Variants in ITGA2B observed in about 807,000 individuals in gnomAD.
ITGA2B encodes integrin alpha-IIb.
Under a neutral mutation model 142.0 loss-of-function variants are expected in ITGA2B, and 91 were observed. The ratio of observed to expected loss-of-function variants is 0.64; its 90% CI spans 0.54 to 0.76. ITGA2B has a LOEUF of 0.76. Among genes scored for constraint, ITGA2B ranks in the 30% least tolerant of loss-of-function variants. The pLI is 0.00. For synonymous variants in ITGA2B, 536 were observed against 567.2 expected, an observed-to-expected ratio of 0.94 and a Z score of 0.78; for missense variants, 1,231 against 1,350.8, an observed-to-expected ratio of 0.91 and a Z score of 1.39.
Position 44,380,016 on chromosome 17 carries a change from T to C in ITGA2B, c.1738A>G (p.Met580Val), listed in dbSNP as rs773647580. 2.5e-6 allele frequency: 4 copies of C among 1,613,562 alleles called. No individual in the cohort carries two copies. The highest frequency in any genetic ancestry group is 3.4e-6 in the Non-Finnish European group (4 of 1,180,018). ...CCTGGGCGTACTCGAAGGAAGGCCA[T>C]GGTGGTGTGGCAGATGGGGCTGTGC... ...GKHSPICHTT[M>V]AFLRDEADFR... The change falls in exon 17 of 30, where the codon ATG becomes GTG. Residue 580 changes from methionine (M) to valine (V), a missense_variant. Met to Val is a conservative substitution (Grantham distance 21, BLOSUM62 1). This residue lies in a region of ITGA2B where 908 missense variants were observed against 1,021.1 expected (regional missense o/e 0.89). Transcript: ENST00000262407.
rs915544646 is a variant in ITGA2B at position 44,383,941 on chromosome 17, C to A, written c.951G>T (p.Ala317=). The change falls in exon 11 of 30, where the codon GCG becomes GCT. Residue 317 remains alanine, a synonymous_variant. Coordinates refer to ENST00000262407, the MANE Select transcript of ITGA2B (RefSeq NM_000419.5). The part of the protein sequence containing the change: ...RLHRLRGEQM[A]SYFGHSVAVT... ...CAGCCACTGAATGCCCAAAATACGA[C>A]GCCATCTGCAAGATGAGGAGCACCA... The A allele has an allele frequency of 1.9e-6, 3 of 1,613,918 alleles. No individual in the cohort carries two copies. In the African/African-American group the frequency reaches 4.0e-5, roughly 22 times the overall value.
At chr17:44,383,321 C>T (rs2048612305) in intron 12 of ITGA2B, among the ~76,000 whole-genome samples, 172 bp downstream of exon 12, 1 of 152,176 alleles carries the variant, frequency 6.6e-6, no homozygotes, top group Non-Finnish European at 1.5e-5. Flanking sequence ...CAAACACTTC[C>T]TAATTAGTCT....
At position 44,375,910 on chromosome 17, in the gene ITGA2B, C is replaced by G; in HGVS notation, c.2524G>C (p.Asp842His). The change falls in exon 25 of 30, where the codon GAC becomes CAC. Residue 842 changes from aspartate (D) to histidine (H), a missense_variant. Asp to His is a moderately conservative substitution (Grantham distance 81). Coordinates refer to ENST00000262407, the MANE Select transcript of ITGA2B (RefSeq NM_000419.5). ...TGTATATCCAGGATGTAGAGCAGGTCGGAGGGCTGGGACTGTCCCGGAAGG... is the reference window on the plus strand; with the variant it reads ...TGTATATCCAGGATGTAGAGCAGGTGGGAGGGCTGGGACTGTCCCGGAAGG... ...IHLPGQSQPS[D>H]LLYILDIQPQ... 6.2e-7 allele frequency: 1 copy of G among 1,612,948 alleles called. No individual in the cohort carries two copies. The highest frequency in any genetic ancestry group is 8.5e-7 in the Non-Finnish European group (1 of 1,179,682).
At chr17:44,381,960 A>G (rs758946903) in intron 12 of ITGA2B, among the ~76,000 whole-genome samples, 2 of 151,910 alleles carry the variant, frequency 1.3e-5, no homozygotes, top group African/African-American at 2.4e-5. Flanking sequence ...TCTCCATTCC[A>G]TCAAACTCCC....
rs1000132610 is a variant in ITGA2B, at chr17:44,384,412, C to T, written c.848-58G>A. 1.1e-5 allele frequency: 18 copies of T among 1,609,094 alleles called. No individual in the cohort carries two copies. The Admixed American group carries it at 1.8e-4, about 16-fold the overall frequency. ...AGAGCCTTAGAACCTACCCACTTCCCGCTCCCCGTTCTGCACCCAGGGAAA... is the reference window on the plus strand; with the variant it reads ...AGAGCCTTAGAACCTACCCACTTCCTGCTCCCCGTTCTGCACCCAGGGAAA... On this transcript the variant is annotated intron_variant, in intron 8 of 29. Transcript: ENST00000262407.
rs1218494362 is a variant in ITGA2B at position 44,375,861 on chromosome 17, A to C, written c.2573T>G (p.Phe858Cys). 6.3e-7 allele frequency: 1 copy of C among 1,595,090 alleles called. No individual in the cohort carries two copies. Residue 858 changes from phenylalanine to cysteine, a missense_variant, in exon 25 of 30, where the codon TTC (phenylalanine) becomes TGC (cysteine). Physicochemically the swap from Phe to Cys is radical, Grantham distance 205 (BLOSUM62 -2). This residue lies in a region of ITGA2B where 908 missense variants were observed against 1,021.1 expected (regional missense o/e 0.89). Coordinates refer to ENST00000262407, the MANE Select transcript of ITGA2B (RefSeq NM_000419.5). ...GAGAGGGTTGACAGGAGGCTGTGGGAAGCACTGAAGGCCCCCCTGGGGCTG... is the reference window on the plus strand; with the variant it reads ...GAGAGGGTTGACAGGAGGCTGTGGGCAGCACTGAAGGCCCCCCTGGGGCTG... The part of the protein sequence containing the change: ...DIQPQGGLQC[F>C]PQPPVNPLKV...
rs756871533 is a variant in ITGA2B at position 44,375,954 on chromosome 17, C to A, written c.2480G>T (p.Gly827Val). Reference protein sequence around the residue: ...LHNNGPGTVNGLHLSIHLPGQ... With the variant: ...LHNNGPGTVNVLHLSIHLPGQ... ...CGGAAGGTGGATGCTGAGGTGAAGA[C>A]CATTCACAGTCCCAGGGCCATTGTT... Residue 827 changes from glycine (G) to valine (V), a missense_variant, in exon 25 of 30, where the codon GGT becomes GTT. By Grantham distance (109) the Gly-to-Val change is moderately radical. Around this residue, in one of 3 missense-constraint regions of ITGA2B, gnomAD observed 908 missense variants for 1,021.1 expected, o/e 0.89. Coordinates refer to ENST00000262407, the MANE Select transcript of ITGA2B (RefSeq NM_000419.5). 2.5e-6 allele frequency: 4 copies of A among 1,614,084 alleles called. No homozygotes were observed. In the Admixed American group the frequency reaches 6.7e-5, roughly 27 times the overall value.
intron 1 of ITGA2B, 41 bp downstream of exon 1, chr17:44,389,245 T>C (rs1426737911): frequency 1.2e-6 from 2 of 1,604,892 alleles, no homozygotes; most frequent in Non-Finnish European, 8.5e-7. Flanking sequence ...TGGGGAGGGG[T>C]CCTGCTCTCT....
rs760249168 is a variant in ITGA2B, at chr17:44,380,648, A to T, written c.1394-3T>A. 6.2e-7 allele frequency: 1 copy of T among 1,614,180 alleles called. No individual in the cohort carries two copies. Among genetic ancestry groups the T allele is most frequent in the East Asian group, 2.2e-5 (1 of 44,870 alleles). On this transcript the variant is annotated splice_region_variant and splice_polypyrimidine_tract_variant and intron_variant, in intron 13 of 29. Transcript: ENST00000262407. ...CCCGTAAGCTCCCACGATCAGGTCT[A>T]TAGACATCGAGGAATGGGTCAGAAT... is the stretch of plus-strand genomic sequence containing the variant.
rs1029376890 is a variant in ITGA2B, at chr17:44,378,719, G to T, written c.1879-9C>A. The T allele has an allele frequency of 2.0e-5, 31 of 1,553,990 alleles. No individual in the cohort carries two copies. The highest frequency in any genetic ancestry group is 2.5e-5 in the Non-Finnish European group (29 of 1,148,126). On this transcript the variant is annotated splice_polypyrimidine_tract_variant and intron_variant, in intron 18 of 29. Coordinates refer to ENST00000262407, the MANE Select transcript of ITGA2B (RefSeq NM_000419.5). The stretch of plus-strand genomic sequence containing the variant: ...TCCAGGACGATTCGTGTCTAGAGGG[G>T]CACATTGGGGTGTGCGGGTAAGTTG...
chr17:44,375,722 G>T lies in ITGA2B; in HGVS notation c.2602-6C>A, dbSNP rs369957630. 2.5e-6 allele frequency: 4 copies of T among 1,573,346 alleles called. No homozygotes were observed. In the African/African-American group the frequency reaches 5.4e-5, roughly 21 times the overall value. Reference sequence around the variant, plus strand: ...ATGGGCAGCCCCCAGTCCACCTGGGGGGGCAAAGGAGTGGTCAGGCCCAGG... The same window carrying T: ...ATGGGCAGCCCCCAGTCCACCTGGGTGGGCAAAGGAGTGGTCAGGCCCAGG... On this transcript the variant is annotated splice_region_variant and splice_polypyrimidine_tract_variant and intron_variant, in intron 25 of 29. Coordinates refer to ENST00000262407, the MANE Select transcript of ITGA2B (RefSeq NM_000419.5).
intron 22 of ITGA2B, 141 bp downstream of exon 22, chr17:44,376,868 C>T: frequency 1.4e-6 from 1 of 708,326 alleles, no homozygotes; most frequent in Non-Finnish European, 2.5e-6. Flanking sequence ...CTGCCTTGGC[C>T]TCGCAACGTG....
intron 9 of ITGA2B, 76 bp downstream of exon 9, chr17:44,384,229 CGGGGGT>C: frequency 2.0e-6 from 1 of 490,074 alleles, no homozygotes; most frequent in Non-Finnish European, 3.8e-6. Flanking sequence ...GGAGGCGGGG[CGGGGGT>C]GGGGGGCGCT....
intron 12 of ITGA2B, 35 bp from the exon 13 acceptor site, chr17:44,381,096 T>C (rs1169410936): frequency 1.3e-6 from 2 of 1,596,414 alleles, no homozygotes; most frequent in African/African-American, 2.7e-5. Flanking sequence ...TGGCTGATTG[T>C]TATTCAGCCT....
At chr17:44,374,971 G>GCCC in intron 27 of ITGA2B, 27 bp downstream of exon 27, 5 of 1,489,356 alleles carry the variant, frequency 3.4e-6, no homozygotes, top group Non-Finnish European at 4.5e-6. Context: ...AGAAGGCCCG[G>GCCC]CCCCGCCCCA....
chr17:44,386,233 C>T (rs1406785445), intron 1 of ITGA2B, 102 bp from the exon 2 acceptor site: 1 of 1,509,124 alleles, frequency 6.6e-7, no homozygotes, highest in African/African-American at 1.4e-5. Flanking sequence ...GGCATGGGGG[C>T]ACTGGACCAT....
intron 12 of ITGA2B, among the ~76,000 whole-genome samples, chr17:44,383,207 G>A (rs182611749): frequency 8.5e-5 from 13 of 152,152 alleles, no homozygotes; most frequent in African/African-American, 2.9e-4. Context: ...CTCCCACCAA[G>A]TCCTAATAAT....
In ITGA2B at chr17:44,374,413, G is replaced by A. The variant is rs564423976; in HGVS notation, c.3001C>T (p.Leu1001=). 5.0e-6 allele frequency: 8 copies of A among 1,614,050 alleles called. No homozygotes were observed. The East Asian group carries it at 1.8e-4, about 36-fold the overall frequency. Reference sequence around the variant, plus strand: ...AGCAGGCCACCCAGCACACCCACCAGCACCCACCAGATTGGAATGGCCCTC... The same window carrying A: ...AGCAGGCCACCCAGCACACCCACCAACACCCACCAGATTGGAATGGCCCTC... ...EERAIPIWWV[L]VGVLGGLLLL... Residue 1001 remains leucine, a synonymous_variant, in exon 29 of 30, where the codon CTG becomes TTG. Coordinates refer to ENST00000262407, the MANE Select transcript of ITGA2B (RefSeq NM_000419.5).
In ITGA2B at chr17:44,383,498, T is replaced by TA. The variant is rs1567903993; in HGVS notation, c.1204dup (p.Tyr402LeufsTer3). 1 of 1,608,374 alleles carries TA rather than the reference T, an allele frequency of 6.2e-7. No homozygotes were observed. Among genetic ancestry groups the TA allele is most frequent in the East Asian group, 2.2e-5 (1 of 44,828 alleles). ...GGGCTCCTCTCTTCCCTCACCATTGTAGCCATCCCGGTCGAGGTCGCCCAG... is the reference window on the plus strand; with the variant it reads ...GGGCTCCTCTCTTCCCTCACCATTGTAAGCCATCCCGGTCGAGGTCGCCCAG... On this transcript the variant is annotated frameshift_variant, in exon 12 of 30. Coordinates refer to ENST00000262407, the MANE Select transcript of ITGA2B (RefSeq NM_000419.5). LOFTEE classifies it high-confidence loss of function.
Sources: allele counts gnomAD v4.1 joint callset (sites outside exome capture counted in the v4.1 genomes callset), GRCh38; gene constraint gnomAD v4.1.1; regional missense constraint gnomAD v4.1.1; transcripts MANE v1.5; gene names NCBI Gene and HGNC (gene_info 2026-07-23, HGNC 2026-07-21).